FFAR1: variants seen among roughly 807,000 people sequenced by gnomAD.
FFAR1 encodes the protein G-protein coupled receptor 40.
For synonymous variants in FFAR1, 216 were observed against 201.5 expected (o/e 1.07, Z -0.61); for missense variants, 424 against 396.2 (o/e 1.07, Z -0.60).
At chr19:35,349,092 T>A (rs1599700023), upstream of FFAR1, among the ~76,000 whole-genome samples, 1 of 152,114 alleles carries the variant, frequency 6.6e-6, no homozygotes, top group Non-Finnish European at 1.5e-5. Flanking sequence ...GCTCTCACAG[T>A]CCTCCCAGGG....
chr19:35,350,379 C>T (rs17719343), upstream of FFAR1, among the ~76,000 whole-genome samples: 1 of 152,234 alleles, frequency 6.6e-6, no homozygotes, highest in African/African-American at 2.4e-5. Flanking sequence ...TTGGAGATGG[C>T]TTCATGGCTG....
At chr19:35,352,469 G>A (rs1186744898) in exon 1 of FFAR1, 7 of 1,548,510 alleles carry the variant, frequency 4.5e-6, no homozygotes, top group Admixed American at 2.0e-5. Context: ...ACTGCTCGGG[G>A]GAAGGAGCAT....
chr19:35,353,534 C>T (rs1013629551), exon 1 of FFAR1: 1 of 152,128 alleles, frequency 6.6e-6, no homozygotes, highest in African/African-American at 2.4e-5. Flanking sequence ...ATATTATGTG[C>T]TGTATTCTTA....
upstream of FFAR1, chr19:35,351,535 G>A: frequency 6.5e-7 from 1 of 1,538,496 alleles, no homozygotes; most frequent in Non-Finnish European, 8.7e-7. Context: ...AGCCGTGCAG[G>A]CCAGGACGGC....
upstream of FFAR1, among the ~76,000 whole-genome samples, chr19:35,348,802 G>A (rs2066932219): frequency 6.6e-6 from 1 of 152,156 alleles, no homozygotes; most frequent in Non-Finnish European, 1.5e-5. Flanking sequence ...ATCTCTAGTC[G>A]AGAGCCGCCA....
upstream of FFAR1, among the ~76,000 whole-genome samples, chr19:35,347,974 A>G (rs2066927659): frequency 6.6e-6 from 1 of 152,194 alleles, no homozygotes; most frequent in Non-Finnish European, 1.5e-5. Flanking sequence ...CTTTCCAGTT[A>G]GGTGCCCCAG....
At chr19:35,351,439 C>A, upstream of FFAR1, 1 of 909,600 alleles carries the variant, frequency 1.1e-6, no homozygotes, top group Non-Finnish European at 1.7e-6. Flanking sequence ...ATTCTCCACA[C>A]AGGGCTGGAA....
exon 1 of FFAR1, chr19:35,352,218 G>T: frequency 6.3e-7 from 1 of 1,577,966 alleles, no homozygotes. Flanking sequence ...GCTGCGGGCC[G>T]CCTGGGTGGC....
At chr19:35,348,969 A>G (rs1264317136), upstream of FFAR1, among the ~76,000 whole-genome samples, 1 of 152,158 alleles carries the variant, frequency 6.6e-6, no homozygotes, top group Non-Finnish European at 1.5e-5. Context: ...CTGATTGACC[A>G]TGAGATATGG....
chr19:35,353,386 G>T, exon 1 of FFAR1: 1 of 152,138 alleles, frequency 6.6e-6, no homozygotes, highest in East Asian at 1.9e-4. Context: ...CTACTCAGGG[G>T]TCTGAGGTGG....
At chr19:35,349,048 G>A (rs1164234405), upstream of FFAR1, among the ~76,000 whole-genome samples, 1 of 152,216 alleles carries the variant, frequency 6.6e-6, no homozygotes, top group African/African-American at 2.4e-5. Context: ...TAGGGGGCCA[G>A]GACTCCAGAC....
exon 1 of FFAR1, chr19:35,352,476 G>T (rs1184033909): frequency 1.3e-6 from 2 of 1,546,286 alleles, no homozygotes; most frequent in Non-Finnish European, 1.7e-6. Flanking sequence ...GGGGGAAGGA[G>T]CATGGGGCAG....
exon 1 of FFAR1, chr19:35,351,830 C>G: frequency 6.2e-7 from 1 of 1,610,264 alleles, no homozygotes; most frequent in Non-Finnish European, 8.5e-7. Flanking sequence ...TCTATGCCGG[C>G]GGGGGCTTCC....
Position 35,352,222 on chromosome 19 carries a change from G to A in FFAR1, c.671G>A (p.Trp224Ter), listed in dbSNP as rs781171288. ...CACAGGCGGAAGCTGCGGGCCGCCT[G>A]GGTGGCCGGCGGGGCCCTCCTCACG... The change falls in exon 1 of 1, where the codon TGG becomes TAG. Residue 224 changes from tryptophan (W) to a stop codon, truncating the protein, a stop_gained. Coordinates refer to ENST00000246553, the Ensembl canonical transcript of FFAR1. LOFTEE classifies it low-confidence loss of function (END_TRUNC). 2.5e-6 allele frequency: 4 copies of A among 1,575,252 alleles called. No homozygotes were observed. The highest frequency in any genetic ancestry group is 3.4e-6 in the Non-Finnish European group (4 of 1,163,108).
exon 1 of FFAR1, chr19:35,352,111 C>T: frequency 6.2e-7 from 1 of 1,612,318 alleles, no homozygotes; most frequent in African/African-American, 1.3e-5. Context: ...TTCAGCCTCT[C>T]TCTCCTGCTC....
chr19:35,352,455 C>T (rs763046473), exon 1 of FFAR1: 566 of 1,550,474 alleles, frequency 3.7e-4, no homozygotes, highest in Non-Finnish European at 4.5e-4. Flanking sequence ...CCAGAAGTAA[C>T]GCCACTGCTC....
At chr19:35,352,915 T>C in exon 1 of FFAR1, 1 of 203,754 alleles carries the variant, frequency 4.9e-6, no homozygotes, top group South Asian at 8.9e-5. Flanking sequence ...GGCAGGATAA[T>C]GACGCTGTTA....
chr19:35,352,060 G>C, exon 1 of FFAR1: 1 of 1,613,604 alleles, frequency 6.2e-7, no homozygotes, highest in South Asian at 1.1e-5. Context: ...TCTCCGGTCT[G>C]CCTGGAGGCC....
At chr19:35,352,210 T>G in exon 1 of FFAR1, 1 of 1,589,148 alleles carries the variant, frequency 6.3e-7, no homozygotes, top group Non-Finnish European at 8.5e-7. Context: ...AGGCGGAAGC[T>G]GCGGGCCGCC....
Sources: allele counts gnomAD v4.1 joint callset (sites outside exome capture counted in the v4.1 genomes callset), GRCh38; gene constraint gnomAD v4.1.1; transcripts MANE v1.5; gene names NCBI Gene and HGNC (gene_info 2026-07-23, HGNC 2026-07-21).